PXDNL: variants seen among roughly 807,000 people sequenced by gnomAD.
The protein encoded by PXDNL is probable oxidoreductase PXDNL.
A neutral mutation model predicts 150.8 loss-of-function variants in PXDNL; 145 were observed. The ratio of observed to expected loss-of-function variants is 0.96; its 90% CI spans 0.84 to 1.10. The LOEUF (loss-of-function observed/expected upper bound fraction) is 1.10. PXDNL is among the 50% of genes least tolerant of loss of function. The probability of loss-of-function intolerance (pLI) is 0.00; values close to 1 mark genes in which losing one functional copy is unlikely to be tolerated. For synonymous variants in PXDNL, 757 were observed against 725.7 expected (o/e 1.04, Z -0.69); for missense variants, 2,087 against 1,873.9 (o/e 1.11, Z -2.10).
At chr8:51,591,856 G>A (rs1377353472) in intron 3 of PXDNL, among the ~76,000 whole-genome samples, 1 of 152,186 alleles carries the variant, frequency 6.6e-6, no homozygotes, top group Non-Finnish European at 1.5e-5. Context: ...CTGACCTCGT[G>A]ATCCGCCCGC....
At chr8:51,752,094 C>T (rs1016941466) in intron 1 of PXDNL, among the ~76,000 whole-genome samples, 6 of 152,220 alleles carry the variant, frequency 3.9e-5, no homozygotes, top group East Asian at 3.9e-4. Context: ...TGTAAGTATG[C>T]ATTCATCTAA....
chr8:51,494,828 A>G (rs1402813272), intron 5 of PXDNL, among the ~76,000 whole-genome samples: 1 of 151,836 alleles, frequency 6.6e-6, no homozygotes, highest in Non-Finnish European at 1.5e-5. Context: ...CACAATAATA[A>G]TGGGAGACTT....
intron 2 of PXDNL, among the ~76,000 whole-genome samples, chr8:51,640,792 T>C (rs372350700): frequency 2.0e-5 from 3 of 152,040 alleles, no homozygotes; most frequent in Non-Finnish European, 1.5e-5. Context: ...AGGTAATTTA[T>C]AGATTCAATG....
At position 51,721,768 on chromosome 8, in the gene PXDNL, T is replaced by G. The variant is rs554641637; in HGVS notation, c.165-67008A>C. On this transcript the variant is annotated intron_variant, in intron 1 of 22. Transcript: ENST00000356297. ...ATCCTCTCCAGCAGCAAGTGCTGCT[T>G]TTCCATCTACAGATAGTTTGGTGGA... 2.5e-5 allele frequency: 10 copies of G among 395,824 alleles called. No individual in the cohort carries two copies. In the East Asian group the frequency reaches 5.1e-4, roughly 20 times the overall value. The allele number at this position is 395,824 out of a possible 1,614,324, so 24.5% of individuals were successfully genotyped here.
Position 51,522,347 on chromosome 8 carries a change from G to T in PXDNL, c.381-22577C>A, listed in dbSNP as rs114968559. On this transcript the variant is annotated intron_variant, in intron 4 of 22. Transcript: ENST00000356297. ...TTTTAACTGCCATCGGGTCAGGTCT[G>T]TGGAATGAGTTATGAAATGAGCATG... is the stretch of plus-strand genomic sequence containing the variant. 4.8e-3 allele frequency among the ~76,000 whole-genome samples: 732 copies of T among 152,278 alleles called. 8 individuals carry two copies. The highest frequency in any genetic ancestry group is 0.017 in the African/African-American group (695 of 41,558).
chr8:51,613,536 T>A (rs913319991), intron 2 of PXDNL, among the ~76,000 whole-genome samples: 8 of 151,436 alleles, frequency 5.3e-5, no homozygotes, highest in Non-Finnish European at 8.8e-5. Flanking sequence ...GAGAAAAAGA[T>A]GATTTCAAGG....
chr8:51,783,801 C>CA (rs1336005241), intron 1 of PXDNL, among the ~76,000 whole-genome samples: 1 of 152,124 alleles, frequency 6.6e-6, no homozygotes, highest in East Asian at 1.9e-4. Flanking sequence ...ACAGCATCCC[C>CA]ACAAAACTGT....
intron 1 of PXDNL, among the ~76,000 whole-genome samples, chr8:51,793,989 T>G (rs958589155): frequency 6.6e-6 from 1 of 151,936 alleles, no homozygotes; most frequent in African/African-American, 2.4e-5. Context: ...CTGATGGAGC[T>G]GAAAAACACA....
chr8:51,715,025 A>C (rs1816584989), intron 1 of PXDNL, among the ~76,000 whole-genome samples: 3 of 151,704 alleles, frequency 2.0e-5, no homozygotes, highest in African/African-American at 7.2e-5. Context: ...ATTAGTTGCC[A>C]ATATTTTTTG....
intron 2 of PXDNL, among the ~76,000 whole-genome samples, chr8:51,597,649 A>G (rs1813601329): frequency 7.1e-6 from 1 of 140,532 alleles, no homozygotes; most frequent in Admixed American, 7.1e-5. Context: ...ATCTCTAAGT[A>G]TTTGTGTGTG....
chr8:51,455,617 A>C (rs1301511823), intron 9 of PXDNL, among the ~76,000 whole-genome samples: 1 of 152,184 alleles, frequency 6.6e-6, no homozygotes, highest in Non-Finnish European at 1.5e-5. Context: ...AGAGATTTAA[A>C]AAGAGAATTG....
At chr8:51,320,950 A>G in intron 21 of PXDNL, 53 bp from the exon 22 acceptor site, 1 of 1,290,950 alleles carries the variant, frequency 7.7e-7, no homozygotes, top group Non-Finnish European at 1.1e-6. Flanking sequence ...GATAGCAACA[A>G]AGCCAATCAA....
chr8:51,382,882 T>C (rs775474062), intron 17 of PXDNL, among the ~76,000 whole-genome samples: 1 of 152,220 alleles, frequency 6.6e-6, no homozygotes, highest in Non-Finnish European at 1.5e-5. Flanking sequence ...CCAGAGAGTA[T>C]AATCCTGGCT....
rs1045194264 is a variant in PXDNL at position 51,468,445 on chromosome 8, T to C, written c.812+3742A>G. 5.9e-5 allele frequency among the ~76,000 whole-genome samples: 9 copies of C among 151,850 alleles called. No homozygotes were observed. The East Asian group carries it at 1.7e-3, about 29-fold the overall frequency. ...CTTATCTTGATCAGTATAACTTGGT[T>C]GATATATTTGTTTACCTATCGACTT... On this transcript the variant is annotated intron_variant, in intron 8 of 22. Transcript: ENST00000356297.
intron 2 of PXDNL, among the ~76,000 whole-genome samples, chr8:51,642,411 C>T (rs1814786773): frequency 6.6e-6 from 1 of 151,870 alleles, no homozygotes; most frequent in African/African-American, 2.4e-5. Context: ...AAACATAATC[C>T]AGCATATAAA....
At chr8:51,705,159 G>A (rs1816350864) in intron 1 of PXDNL, among the ~76,000 whole-genome samples, 1 of 152,128 alleles carries the variant, frequency 6.6e-6, no homozygotes, top group Non-Finnish European at 1.5e-5. Context: ...TCAGGCATGG[G>A]GGGTCTCCAC....
At chr8:51,746,969 C>A (rs1478764366) in intron 1 of PXDNL, among the ~76,000 whole-genome samples, 2 of 152,010 alleles carry the variant, frequency 1.3e-5, no homozygotes, top group Non-Finnish European at 1.5e-5. Flanking sequence ...GGGACCCTCC[C>A]ACCTCAGCCT....
chr8:51,372,928 T>C (rs1021179161), intron 18 of PXDNL, among the ~76,000 whole-genome samples: 1 of 152,236 alleles, frequency 6.6e-6, no homozygotes, highest in East Asian at 1.9e-4. Context: ...TTGGGTTCAT[T>C]CATTCAGTAA....
intron 3 of PXDNL, among the ~76,000 whole-genome samples, chr8:51,564,654 G>C (rs1009043907): frequency 6.6e-6 from 1 of 151,176 alleles, no homozygotes; most frequent in African/African-American, 2.4e-5. Context: ...CAACATAATG[G>C]GGCATGGGAA....
Sources: allele counts gnomAD v4.1 joint callset (sites outside exome capture counted in the v4.1 genomes callset), GRCh38; gene constraint gnomAD v4.1.1; transcripts MANE v1.5; gene names NCBI Gene and HGNC (gene_info 2026-07-23, HGNC 2026-07-21).